The following FAM13A variants were observed in gnomAD, a reference collection of about 807,000 sequenced individuals.
FAM13A encodes the protein family with sequence similarity 13 member A.
Under a neutral mutation model 129.6 loss-of-function variants are expected in FAM13A, and 76 were observed. That is an observed-to-expected ratio of 0.59 (90% CI 0.49 to 0.71). The LOEUF (loss-of-function observed/expected upper bound fraction) is 0.71, where lower values mean the gene tolerates loss of function less well. Ranked by LOEUF, FAM13A falls within the 30% of genes least tolerant of loss-of-function variation. The pLI is 0.00. For missense variants in FAM13A, 1,108 were observed against 1,249.3 expected (o/e 0.89, Z 1.70); for synonymous variants, 443 against 449.9 (o/e 0.98, Z 0.20).
chr4:89,052,823 T>C (rs1226340175), intron 1 of FAM13A, among the ~76,000 whole-genome samples: 1 of 152,128 alleles, frequency 6.6e-6, no homozygotes, highest in Non-Finnish European at 1.5e-5. Context: ...AACAACTCCA[T>C]CTTTAGGTCA....
intron 3 of FAM13A, among the ~76,000 whole-genome samples, chr4:89,016,516 T>C (rs936648501): frequency 1.3e-5 from 2 of 152,210 alleles, no homozygotes; most frequent in Non-Finnish European, 2.9e-5. Context: ...ACTCACTCAC[T>C]GACTCACCCA....
intron 6 of FAM13A, among the ~76,000 whole-genome samples, chr4:88,893,221 C>T (rs1745657823): frequency 6.6e-6 from 1 of 152,126 alleles, no homozygotes; most frequent in African/African-American, 2.4e-5. Flanking sequence ...CTTCACAAAA[C>T]AGAGGTTTAT....
chr4:88,750,508 C>G lies in FAM13A; in HGVS notation c.1856G>C (p.Arg619Pro). The change falls in exon 15 of 24, where the codon CGG becomes CCG. Residue 619 changes from arginine (R) to proline (P), a missense_variant. Physicochemically the swap from Arg to Pro is moderately radical, Grantham distance 103. Transcript: ENST00000264344. Reference protein sequence around the residue: ...DEDSDPMLSPRFYAYGQSRQY... With the variant: ...DEDSDPMLSPPFYAYGQSRQY... ...CCTGCTCTGCCCATAAGCGTAGAAC[C>G]GAGGAGAGAGCATGGGGTCGCTGTC... 6.2e-7 allele frequency: 1 copy of G among 1,614,088 alleles called. No individual in the cohort carries two copies. Among genetic ancestry groups the G allele is most frequent in the Non-Finnish European group, 8.5e-7 (1 of 1,180,002 alleles).
intron 1 of FAM13A, among the ~76,000 whole-genome samples, chr4:89,032,151 C>T (rs1291615621): frequency 4.0e-5 from 6 of 151,784 alleles, no homozygotes; most frequent in Non-Finnish European, 7.4e-5. Flanking sequence ...GGCTGAGGCT[C>T]GGAGAATGGC....
chr4:88,898,162 G>C (rs767886579), intron 6 of FAM13A, among the ~76,000 whole-genome samples: 1 of 152,114 alleles, frequency 6.6e-6, no homozygotes, highest in Non-Finnish European at 1.5e-5. Context: ...GCAGTTTCAA[G>C]AGCATATTTC....
Position 88,970,592 on chromosome 4 carries a change from G to A in FAM13A, c.605+20381C>T, listed in dbSNP as rs13109988. On this transcript the variant is annotated intron_variant, in intron 4 of 23. Transcript: ENST00000264344. ...AGCCTTAATAAATTTCAAAAATTGA[G>A]TATTATATAGACTGATCTTCAATTA... Among the ~76,000 whole-genome samples the A allele has an allele frequency of 2.4e-3, 360 of 151,518 alleles. 2 individuals are homozygous for A. The highest frequency in any genetic ancestry group is 5.2e-3 in the South Asian group (25 of 4,810).
At chr4:88,767,686 G>T in intron 12 of FAM13A, 91 bp from the exon 13 acceptor site, 4 of 1,008,940 alleles carry the variant, frequency 4.0e-6, no homozygotes, top group African/African-American at 1.6e-5. Context: ...TAATTTAAGA[G>T]TATGTTGAGT....
intron 7 of FAM13A, among the ~76,000 whole-genome samples, chr4:88,840,509 A>T (rs1735635133): frequency 6.6e-6 from 1 of 152,176 alleles, no homozygotes; most frequent in Non-Finnish European, 1.5e-5. Flanking sequence ...ATAGCCCTTG[A>T]GCGAGAGGGG....
intron 7 of FAM13A, among the ~76,000 whole-genome samples, chr4:88,846,318 T>A (rs1025817009): frequency 6.6e-6 from 1 of 152,206 alleles, no homozygotes; most frequent in African/African-American, 2.4e-5. Flanking sequence ...TGTTTTAACA[T>A]CTCCCCGAAA....
At chr4:88,882,837 T>G (rs1334702333) in intron 6 of FAM13A, among the ~76,000 whole-genome samples, 2 of 151,968 alleles carry the variant, frequency 1.3e-5, no homozygotes, top group African/African-American at 2.4e-5. Context: ...TTAATGCAAA[T>G]GGACAACAAA....
chr4:88,953,181 C>A (rs903469179), intron 4 of FAM13A, among the ~76,000 whole-genome samples: 1 of 151,732 alleles, frequency 6.6e-6, no homozygotes, highest in Non-Finnish European at 1.5e-5. Context: ...CTCAGCTGGG[C>A]GTGGTGGCTC....
chr4:88,811,661 G>T (rs1729693619), intron 7 of FAM13A, among the ~76,000 whole-genome samples: 1 of 152,110 alleles, frequency 6.6e-6, no homozygotes. Flanking sequence ...TCTACAGCTA[G>T]AAGGTGAAAA....
intron 6 of FAM13A, among the ~76,000 whole-genome samples, chr4:88,881,435 C>A (rs529732594): frequency 1.3e-5 from 2 of 152,204 alleles, no homozygotes; most frequent in East Asian, 3.9e-4. Context: ...GGGAGAGCAC[C>A]ACATCAAGGG....
At chr4:88,928,515 A>C (rs1252058526) in intron 5 of FAM13A, among the ~76,000 whole-genome samples, 1 of 152,150 alleles carries the variant, frequency 6.6e-6, no homozygotes, top group East Asian at 1.9e-4. Context: ...TTCCCAGAGT[A>C]TATCTTGCTG....
At chr4:88,730,976 G>C (rs1357957602) in intron 23 of FAM13A, among the ~76,000 whole-genome samples, 2 of 152,094 alleles carry the variant, frequency 1.3e-5, no homozygotes, top group Non-Finnish European at 2.9e-5. Flanking sequence ...CTAACCTCTA[G>C]CTTCTTAAGA....
At chr4:88,915,135 T>C (rs572581775) in intron 5 of FAM13A, among the ~76,000 whole-genome samples, 139 of 152,294 alleles carry the variant, frequency 9.1e-4, no homozygotes, top group Middle Eastern at 3.4e-3. Flanking sequence ...TGTAGAACAG[T>C]GCTACTTTGC....
chr4:88,960,475 C>T (rs1463103534), intron 4 of FAM13A, among the ~76,000 whole-genome samples: 2 of 152,106 alleles, frequency 1.3e-5, no homozygotes, highest in African/African-American at 4.8e-5. Context: ...GAAGTAATCC[C>T]TTGGTTCTAC....
chr4:88,899,272 A>G (rs562332913), intron 6 of FAM13A, among the ~76,000 whole-genome samples: 80 of 152,216 alleles, frequency 5.3e-4, no homozygotes, highest in African/African-American at 1.7e-3. Flanking sequence ...ATTCTCACTC[A>G]TAAGTGGGAG....
intron 7 of FAM13A, among the ~76,000 whole-genome samples, chr4:88,813,911 A>G (rs1730153744): frequency 6.6e-6 from 1 of 152,162 alleles, no homozygotes. Context: ...TTCTGAGTGT[A>G]TTAGAATCCA....
Sources: allele counts gnomAD v4.1 joint callset (sites outside exome capture counted in the v4.1 genomes callset), GRCh38; gene constraint gnomAD v4.1.1; transcripts MANE v1.5; gene names NCBI Gene and HGNC (gene_info 2026-07-23, HGNC 2026-07-21).